Variants in MFHAS1 observed in about 807,000 individuals in gnomAD.
The protein encoded by MFHAS1 is malignant fibrous histiocytoma-amplified sequence 1.
A neutral mutation model predicts 70.4 loss-of-function variants in MFHAS1; 50 were observed. The ratio of observed to expected loss-of-function variants is 0.71; its 90% CI spans 0.57 to 0.90. The LOEUF (loss-of-function observed/expected upper bound fraction) is 0.90. Ranked by LOEUF, MFHAS1 falls within the 40% of genes least tolerant of loss-of-function variation. The pLI, the probability that MFHAS1 is intolerant of heterozygous loss-of-function variation, is 0.00. For synonymous variants in MFHAS1, 952 were observed against 620.0 expected (o/e 1.54, Z -7.96); for missense variants, 1,795 against 1,347.6 (o/e 1.33, Z -5.20).
Position 8,785,922 on chromosome 8 carries a change from G to T in MFHAS1, c.*100C>A. On this transcript the variant is annotated 3_prime_UTR_variant, in exon 3 of 3. Transcript: ENST00000276282. ...GCACGCGTTGTCACTCAAGTTCACA[G>T]AACACGCTGGGGTGAGTGCAGAGGG... 5.6e-6 allele frequency: 6 copies of T among 1,079,106 alleles called. No homozygotes were observed. The highest frequency in any genetic ancestry group is 4.2e-5 in the East Asian group (1 of 23,534). 66.8% of individuals were successfully genotyped at this position (1,079,106 alleles called of 1,614,324 possible).
rs368777949 is a variant in MFHAS1, at chr8:8,830,085, CG to C, written c.2999-32595del. On this transcript the variant is annotated intron_variant, in intron 1 of 2. Transcript: ENST00000276282. Reference sequence around the variant, plus strand: ...GTCCAGGGACCACATTTGAAATGCCCGGGACTAGATGACCTCTAATTTCTCT... The same window carrying C: ...GTCCAGGGACCACATTTGAAATGCCCGGACTAGATGACCTCTAATTTCTCT... Among the ~76,000 whole-genome samples the C allele has an allele frequency of 7.9e-5, 12 of 152,186 alleles. No individual in the cohort carries two copies. The South Asian group carries it at 1.0e-3, about 13-fold the overall frequency.
At chr8:8,857,823 G>T (rs1022653682) in intron 1 of MFHAS1, among the ~76,000 whole-genome samples, 15 of 152,214 alleles carry the variant, frequency 9.9e-5, no homozygotes, top group African/African-American at 3.6e-4. Flanking sequence ...GTCCTACAGT[G>T]ACATTGACAA....
chr8:8,808,299 A>G (rs1234882162), intron 1 of MFHAS1, among the ~76,000 whole-genome samples: 1 of 149,556 alleles, frequency 6.7e-6, no homozygotes, highest in Non-Finnish European at 1.5e-5. Context: ...GTGTCCCCAC[A>G]CTGTAGACGC....
At chr8:8,862,286 G>A (rs1003195666) in intron 1 of MFHAS1, among the ~76,000 whole-genome samples, 1 of 151,590 alleles carries the variant, frequency 6.6e-6, no homozygotes, top group Non-Finnish European at 1.5e-5. Context: ...GATTAATGAT[G>A]TTGACATCTT....
chr8:8,836,869 C>T (rs1376796055), intron 1 of MFHAS1, among the ~76,000 whole-genome samples: 1 of 152,210 alleles, frequency 6.6e-6, no homozygotes, highest in Non-Finnish European at 1.5e-5. Flanking sequence ...ACCAACCTTT[C>T]TTCTTTCCTC....
At position 8,892,221 on chromosome 8, in the gene MFHAS1, G is replaced by T. The variant is rs1220340570; in HGVS notation, c.838C>A (p.Leu280Ile). The part of the protein sequence containing the change: ...SCLQRLKMLN[L>I]SSNLFEEFPA... Reference sequence around the variant, plus strand: ...AACTCCTCGAAGAGGTTGGAGGAGAGGTTGAGCATTTTGAGCCGCTGCAGG... The same window carrying T: ...AACTCCTCGAAGAGGTTGGAGGAGATGTTGAGCATTTTGAGCCGCTGCAGG... Residue 280 changes from leucine to isoleucine, a missense_variant, in exon 1 of 3, where the codon CTC (leucine) becomes ATC (isoleucine). By Grantham distance (5) the Leu-to-Ile change is conservative (BLOSUM62 2). Coordinates refer to ENST00000276282, the MANE Select transcript of MFHAS1 (RefSeq NM_004225.3). This position sits in a 1 kb window ranked among gnomAD's most constrained non-coding sequence, Gnocchi z 4.7. The T allele has an allele frequency of 1.2e-6, 2 of 1,610,966 alleles. No individual in the cohort carries two copies. The highest frequency in any genetic ancestry group is 1.7e-6 in the Non-Finnish European group (2 of 1,180,018).
chr8:8,828,232 G>A (rs933090107), intron 1 of MFHAS1, among the ~76,000 whole-genome samples: 2 of 152,196 alleles, frequency 1.3e-5, no homozygotes, highest in Non-Finnish European at 2.9e-5. Context: ...GATGAAACCA[G>A]AGATTAAAAA....
chr8:8,791,691 C>G (rs1805724388), intron 2 of MFHAS1, among the ~76,000 whole-genome samples: 1 of 152,206 alleles, frequency 6.6e-6, no homozygotes, highest in South Asian at 2.1e-4. Context: ...ATGCGGTCTA[C>G]TTGCTTCCTA....
chr8:8,837,388 C>G (rs1012937868), intron 1 of MFHAS1, among the ~76,000 whole-genome samples: 10 of 152,208 alleles, frequency 6.6e-5, no homozygotes, highest in Admixed American at 6.5e-4. Context: ...CACGCCTAAT[C>G]TCAACACTTT....
At chr8:8,851,460 A>G (rs963494947) in intron 1 of MFHAS1, among the ~76,000 whole-genome samples, 1 of 152,200 alleles carries the variant, frequency 6.6e-6, no homozygotes, top group Non-Finnish European at 1.5e-5. Flanking sequence ...AGGTCTAGAT[A>G]CCACAAAACA....
At chr8:8,860,582 T>C (rs550959975) in intron 1 of MFHAS1, among the ~76,000 whole-genome samples, 5 of 152,248 alleles carry the variant, frequency 3.3e-5, no homozygotes, top group Non-Finnish European at 5.9e-5. Flanking sequence ...GTGCTGAGAG[T>C]GGCTCTGCCA....
At chr8:8,792,593 G>A (rs1339244108) in intron 2 of MFHAS1, among the ~76,000 whole-genome samples, 2 of 152,162 alleles carry the variant, frequency 1.3e-5, no homozygotes, top group African/African-American at 2.4e-5. Context: ...GCTACAGAGT[G>A]AGACTTCATC....
chr8:8,813,467 T>C (rs1806625319), intron 1 of MFHAS1, among the ~76,000 whole-genome samples: 1 of 152,232 alleles, frequency 6.6e-6, no homozygotes, highest in Non-Finnish European at 1.5e-5. Context: ...CCTGAAGATC[T>C]TCCAGTGCGA....
intron 1 of MFHAS1, among the ~76,000 whole-genome samples, chr8:8,805,915 C>A (rs925875894): frequency 6.6e-6 from 1 of 151,816 alleles, no homozygotes; most frequent in East Asian, 1.9e-4. Flanking sequence ...CCAGACTGGT[C>A]TCTAACTCCT....
At chr8:8,813,361 A>G (rs1472113038) in intron 1 of MFHAS1, among the ~76,000 whole-genome samples, 1 of 152,226 alleles carries the variant, frequency 6.6e-6, no homozygotes, top group Non-Finnish European at 1.5e-5. Context: ...ATTTTAAAAC[A>G]TTACTGTAAA....
At chr8:8,793,739 G>A (rs1805796145) in intron 2 of MFHAS1, among the ~76,000 whole-genome samples, 1 of 152,226 alleles carries the variant, frequency 6.6e-6, no homozygotes, top group Non-Finnish European at 1.5e-5. Context: ...GGCCCCACTG[G>A]CCAGGGAACC....
At position 8,825,349 on chromosome 8, in the gene MFHAS1, T is replaced by C. The variant is rs116185709; in HGVS notation, c.2999-27858A>G. Among the ~76,000 whole-genome samples, 672 of 152,334 alleles carry C rather than the reference T, an allele frequency of 4.4e-3. 7 individuals carry two copies. The highest frequency in any genetic ancestry group is 0.016 in the African/African-American group (648 of 41,572). ...CACCACACTCAGCTAATTTTTGTGT[T>C]TGTAGCAGAGACAGAGTTTCACCAT... On this transcript the variant is annotated intron_variant, in intron 1 of 2. Coordinates refer to ENST00000276282, the MANE Select transcript of MFHAS1 (RefSeq NM_004225.3).
chr8:8,835,999 C>A (rs750100472), intron 1 of MFHAS1, among the ~76,000 whole-genome samples: 1 of 152,170 alleles, frequency 6.6e-6, no homozygotes, highest in Non-Finnish European at 1.5e-5. Flanking sequence ...CTATAGCCTG[C>A]GAAGCGAGAA....
chr8:8,814,139 T>C (rs763060396), intron 1 of MFHAS1, among the ~76,000 whole-genome samples: 6 of 152,154 alleles, frequency 3.9e-5, no homozygotes, highest in Non-Finnish European at 7.4e-5. Flanking sequence ...GGTTTCGCCA[T>C]GTTGGCCAGG....
Sources: allele counts gnomAD v4.1 joint callset (sites outside exome capture counted in the v4.1 genomes callset), GRCh38; gene constraint gnomAD v4.1.1; non-coding constraint Gnocchi (gnomAD v3.1); transcripts MANE v1.5; gene names NCBI Gene and HGNC (gene_info 2026-07-23, HGNC 2026-07-21).